Variants in COL19A1 observed in about 807,000 individuals in gnomAD.
COL19A1 encodes collagen type XIX alpha 1 chain, also known as collagen alpha-1(XIX) chain.
COL19A1 carries 159 observed loss-of-function variants against 190.2 expected under a neutral mutation model. The observed-to-expected ratio is 0.84, with a 90% CI of 0.73 to 0.95. The LOEUF (loss-of-function observed/expected upper bound fraction) is 0.95, where lower values mean the gene tolerates loss of function less well. Among genes scored for constraint, COL19A1 ranks in the 40% least tolerant of loss-of-function variants. The pLI is 0.00. For missense variants in COL19A1, 1,418 were observed against 1,431.9 expected, an observed-to-expected ratio of 0.99 and a Z score of 0.16; for synonymous variants, 509 against 458.9, an observed-to-expected ratio of 1.11 and a Z score of -1.39.
chr6:70,090,586 C>G (rs766409986), intron 15 of COL19A1, among the ~76,000 whole-genome samples: 1 of 152,002 alleles, frequency 6.6e-6, no homozygotes, highest in Non-Finnish European at 1.5e-5. Flanking sequence ...ACTCTACACA[C>G]CTGTAAGGAA....
intron 15 of COL19A1, chr6:70,098,426 G>T (rs1416614022): frequency 3.9e-6 from 2 of 514,032 alleles, no homozygotes; most frequent in African/African-American, 1.9e-5. Flanking sequence ...TGCCCTCTTG[G>T]GTTTAGATGT....
intron 35 of COL19A1, among the ~76,000 whole-genome samples, chr6:70,162,809 C>A (rs1787889843): frequency 1.3e-5 from 2 of 152,060 alleles, no homozygotes; most frequent in African/African-American, 4.8e-5. Flanking sequence ...TTATACAGAA[C>A]AAACCTGGCT....
At position 70,029,690 on chromosome 6, in the gene COL19A1, C is replaced by T. The variant is rs531202047; in HGVS notation, c.1081-4555C>T. Among the ~76,000 whole-genome samples the T allele has an allele frequency of 9.9e-5, 15 of 152,238 alleles. No homozygotes were observed. In the South Asian group the frequency reaches 2.9e-3, roughly 29 times the overall value. ...GCCTTAACAACATTGTACTTTGTCA[C>T]AGGAAGACGTGAGTTACATGGGCCT... On this transcript the variant is annotated intron_variant, in intron 12 of 50. Coordinates refer to ENST00000620364, the MANE Select transcript of COL19A1 (RefSeq NM_001858.6).
At chr6:70,132,911 C>T (rs574996140) in intron 18 of COL19A1, among the ~76,000 whole-genome samples, 1 of 152,256 alleles carries the variant, frequency 6.6e-6, no homozygotes, top group South Asian at 2.1e-4. Flanking sequence ...TGTATCTACA[C>T]AAAGAGTTGA....
intron 2 of COL19A1, among the ~76,000 whole-genome samples, chr6:69,885,912 C>T (rs1768895691): frequency 6.6e-6 from 1 of 152,172 alleles, no homozygotes; most frequent in African/African-American, 2.4e-5. Context: ...AGTTCCCCAA[C>T]ATTGACCTTG....
At chr6:70,020,844 A>G (rs867818782) in intron 11 of COL19A1, among the ~76,000 whole-genome samples, 2 of 152,180 alleles carry the variant, frequency 1.3e-5, no homozygotes, top group Non-Finnish European at 1.5e-5. Flanking sequence ...ATGGATGCAT[A>G]GTTGATAGAT....
chr6:69,932,309 T>G (rs1160638463), intron 6 of COL19A1, among the ~76,000 whole-genome samples: 1 of 152,002 alleles, frequency 6.6e-6, no homozygotes. Flanking sequence ...ATAAAAAATT[T>G]TTTTTCCTTG....
At position 69,979,672 on chromosome 6, in the gene COL19A1, C is replaced by T. The variant is rs537990608; in HGVS notation, c.1026+16802C>T. On this transcript the variant is annotated intron_variant, in intron 11 of 50. Transcript: ENST00000620364. ...GCACTAGAAAAAAGAGATAAACTAC[C>T]TTTTTTTACTAATGAGTTGACTCTA... Among the ~76,000 whole-genome samples the T allele has an allele frequency of 1.4e-3, 213 of 151,580 alleles. 2 individuals carry two copies. Among genetic ancestry groups the T allele is most frequent in the African/African-American group, 4.7e-3 (197 of 41,496 alleles).
intron 11 of COL19A1, among the ~76,000 whole-genome samples, chr6:70,006,568 C>T (rs549876424): frequency 1.3e-5 from 2 of 152,156 alleles, no homozygotes; most frequent in South Asian, 2.1e-4. Context: ...CTCTGATTGC[C>T]GTTGTTTCTA....
chr6:70,069,750 C>T (rs1052884852), intron 15 of COL19A1, among the ~76,000 whole-genome samples: 1 of 152,084 alleles, frequency 6.6e-6, no homozygotes, highest in African/African-American at 2.4e-5. Flanking sequence ...TCACCCAGCC[C>T]GTTGTTGTAC....
chr6:70,017,293 A>G (rs1322933049), intron 11 of COL19A1, among the ~76,000 whole-genome samples: 1 of 152,154 alleles, frequency 6.6e-6, no homozygotes, highest in Non-Finnish European at 1.5e-5. Context: ...CTATAGAGAC[A>G]AAAACTATGT....
chr6:69,925,626 G>C (rs1429873016), intron 4 of COL19A1, among the ~76,000 whole-genome samples: 2 of 152,162 alleles, frequency 1.3e-5, no homozygotes, highest in African/African-American at 2.4e-5. Context: ...TGTGAAGAAA[G>C]TCATTGGTAG....
chr6:70,170,778 C>T (rs371179446), intron 40 of COL19A1, among the ~76,000 whole-genome samples: 1 of 152,056 alleles, frequency 6.6e-6, no homozygotes, highest in East Asian at 1.9e-4. Context: ...CATATCAGTT[C>T]ATATGCTCAC....
intron 27 of COL19A1, 99 bp downstream of exon 27, chr6:70,146,988 C>A: frequency 9.5e-7 from 1 of 1,053,772 alleles, no homozygotes; most frequent in African/African-American, 1.6e-5. Context: ...AGGTCAGAGA[C>A]GGAAATACAA....
At chr6:70,138,072 T>C (rs185450689) in intron 19 of COL19A1, among the ~76,000 whole-genome samples, 2 of 152,264 alleles carry the variant, frequency 1.3e-5, no homozygotes, top group African/African-American at 4.8e-5. Context: ...CCTAGGTGAG[T>C]TGATTCTAGA....
intron 11 of COL19A1, among the ~76,000 whole-genome samples, chr6:70,006,718 T>A (rs574708294): frequency 3.3e-5 from 5 of 152,190 alleles, no homozygotes; most frequent in African/African-American, 9.6e-5. Flanking sequence ...TCTAATTTTT[T>A]AAAAAATATA....
chr6:70,061,120 G>A (rs974720563), intron 14 of COL19A1, among the ~76,000 whole-genome samples: 3 of 152,106 alleles, frequency 2.0e-5, no homozygotes, highest in African/African-American at 7.2e-5. Context: ...GAGGAACAGT[G>A]TCCTGGATCA....
At chr6:70,180,281 C>A (rs370360175) in intron 42 of COL19A1, 31 bp from the exon 43 acceptor site, 30 of 1,613,782 alleles carry the variant, frequency 1.9e-5, no homozygotes, top group Non-Finnish European at 2.4e-5. Flanking sequence ...CAATTTGGCT[C>A]CTAACATTTC....
At chr6:70,157,223 A>T (rs1353603466) in intron 34 of COL19A1, among the ~76,000 whole-genome samples, 11 of 152,048 alleles carry the variant, frequency 7.2e-5, no homozygotes, top group African/African-American at 2.7e-4. Context: ...GGAGAAAAAA[A>T]AACTGTCAGA....
Sources: gnomAD v4.1 joint callset for allele counts (sites outside exome capture counted in the v4.1 genomes callset) on GRCh38, gnomAD v4.1.1 for gene constraint, MANE v1.5 for transcripts, NCBI Gene and HGNC (gene_info 2026-07-23, HGNC 2026-07-21) for gene names.